The following ARHGAP17 variants were observed in gnomAD, a reference collection of about 807,000 sequenced individuals.
ARHGAP17 encodes rho GTPase-activating protein 17.
A neutral mutation model predicts 99.5 loss-of-function variants in ARHGAP17; 57 were observed. The ratio of observed to expected loss-of-function variants is 0.57; its 90% CI spans 0.46 to 0.71. The LOEUF (loss-of-function observed/expected upper bound fraction) is 0.71. Among genes scored for constraint, ARHGAP17 ranks in the 30% least tolerant of loss-of-function variants. The pLI is 0.00. For synonymous variants in ARHGAP17, 417 were observed against 429.6 expected (o/e 0.97, Z 0.36); for missense variants, 1,000 against 1,122.4 (o/e 0.89, Z 1.56).
chr16:24,983,478 T>G (rs7191426), intron 1 of ARHGAP17, among the ~76,000 whole-genome samples: 1 of 151,372 alleles, frequency 6.6e-6, no homozygotes, highest in Non-Finnish European at 1.5e-5. Flanking sequence ...ATTTTTAAAA[T>G]TTTTTTTATA....
chr16:24,971,330 CTTT>C (rs5816272), intron 3 of ARHGAP17, among the ~76,000 whole-genome samples: 39 of 134,270 alleles, frequency 2.9e-4, no homozygotes, highest in Middle Eastern at 3.8e-3. Context: ...CTTAAATTGG[CTTT>C]TTTTTTTTTT....
chr16:24,939,760 T>G (rs2051260816), intron 16 of ARHGAP17, 163 bp from the exon 17 acceptor site: 1 of 696,640 alleles, frequency 1.4e-6, no homozygotes, highest in East Asian at 2.7e-5. Context: ...CCTGAGCAAC[T>G]CCACTCGGCT....
intron 1 of ARHGAP17, among the ~76,000 whole-genome samples, chr16:25,014,660 G>A (rs991283563): frequency 1.3e-5 from 2 of 152,180 alleles, no homozygotes; most frequent in East Asian, 1.9e-4. Context: ...TCCCTCAAAG[G>A]GCGTTCTGAA....
At chr16:24,922,511 G>A (rs985141886) in intron 19 of ARHGAP17, among the ~76,000 whole-genome samples, 3 of 151,830 alleles carry the variant, frequency 2.0e-5, no homozygotes, top group Non-Finnish European at 2.9e-5. Flanking sequence ...TTACTCTGCC[G>A]CCCACCTGCC....
intron 1 of ARHGAP17, among the ~76,000 whole-genome samples, chr16:25,007,859 T>A (rs1321318002): frequency 6.6e-6 from 1 of 152,144 alleles, no homozygotes. Flanking sequence ...AAATGGAAGA[T>A]GTAGCTTCAC....
chr16:24,931,977 C>T (rs924042053), intron 18 of ARHGAP17, among the ~76,000 whole-genome samples: 3 of 152,130 alleles, frequency 2.0e-5, no homozygotes, highest in South Asian at 2.1e-4. Flanking sequence ...ATTAGCCGGG[C>T]GTGGTGGCAT....
At chr16:24,998,016 G>C (rs766986172) in intron 1 of ARHGAP17, among the ~76,000 whole-genome samples, 6 of 152,080 alleles carry the variant, frequency 3.9e-5, no homozygotes, top group Non-Finnish European at 8.8e-5. Context: ...GACGGAGGCT[G>C]AGGATGGAGG....
intron 3 of ARHGAP17, among the ~76,000 whole-genome samples, chr16:24,972,253 G>A (rs960687004): frequency 2.0e-5 from 3 of 152,196 alleles, no homozygotes; most frequent in African/African-American, 7.2e-5. Flanking sequence ...TGGGCTAGGA[G>A]GCACTTCACT....
intron 1 of ARHGAP17, among the ~76,000 whole-genome samples, chr16:24,993,238 A>G (rs543795091): frequency 1.3e-5 from 2 of 152,280 alleles, no homozygotes; most frequent in African/African-American, 2.4e-5. Context: ...ACTTTTACCT[A>G]TATTATTTCA....
chr16:24,963,621 G>A (rs1175790949), intron 7 of ARHGAP17, among the ~76,000 whole-genome samples: 1 of 152,100 alleles, frequency 6.6e-6, no homozygotes, highest in Non-Finnish European at 1.5e-5. Context: ...TATCTACACA[G>A]GTGGATGCAG....
At chr16:24,954,451 T>C in intron 10 of ARHGAP17, 152 bp downstream of exon 10, 1 of 1,080,838 alleles carries the variant, frequency 9.3e-7, no homozygotes, top group Non-Finnish European at 1.3e-6. Context: ...TGGATCATGG[T>C]GACAAAAGCT....
At chr16:24,963,715 G>T (rs1399764469) in intron 7 of ARHGAP17, among the ~76,000 whole-genome samples, 1 of 152,128 alleles carries the variant, frequency 6.6e-6, no homozygotes, top group African/African-American at 2.4e-5. Flanking sequence ...CAAACCAATT[G>T]TTCAAGCAAC....
Position 24,919,891 on chromosome 16 carries a change from T to G in ARHGAP17, c.*239A>C. The G allele has an allele frequency of 2.3e-6, 1 of 428,372 alleles. No homozygotes were observed. Among genetic ancestry groups the G allele is most frequent in the Non-Finnish European group, 4.0e-6 (1 of 250,282 alleles). 26.5% of individuals were successfully genotyped at this position (428,372 alleles called of 1,614,324 possible). On this transcript the variant is annotated 3_prime_UTR_variant, in exon 20 of 20. Transcript: ENST00000289968. ...GGTACTTCTTTGTTTTGGATTTTTT[T>G]GGCATGATTTCCTTCCCATGTAAAG...
chr16:24,958,260 C>T (rs949687882), intron 9 of ARHGAP17, among the ~76,000 whole-genome samples: 1 of 138,150 alleles, frequency 7.2e-6, no homozygotes, highest in Admixed American at 7.0e-5. Flanking sequence ...AAACAAAATG[C>T]GAAAAAAAAT....
At chr16:24,966,016 A>G (rs2052169284) in intron 6 of ARHGAP17, among the ~76,000 whole-genome samples, 1 of 152,258 alleles carries the variant, frequency 6.6e-6, no homozygotes, top group Admixed American at 6.5e-5. Flanking sequence ...CAGTATTAAA[A>G]TCACCTATGA....
rs760015909 is a variant in ARHGAP17, at chr16:24,939,371, C to T, written c.1717G>A (p.Asp573Asn). The stretch of plus-strand genomic sequence containing the variant: ...AGAAGTCAGCCTCCTTACCTGCCGT[C>T]GCCTGGGCTCGGCCCCTGCTCCAGT... ...GILEQGPSPG[D>N]GSPPKPKDPV... is the part of the protein sequence containing the mutation. The change falls in exon 17 of 20, where the codon GAC becomes AAC. Residue 573 changes from aspartate (D) to asparagine (N), a missense_variant. This residue lies in a region of ARHGAP17 where 528 missense variants were observed against 511.4 expected (regional missense o/e 1.03). Coordinates refer to ENST00000289968, the MANE Select transcript of ARHGAP17 (RefSeq NM_001006634.3). 10 of 1,602,826 alleles carry T rather than the reference C, an allele frequency of 6.2e-6. No individual in the cohort carries two copies. The Admixed American group carries it at 6.8e-5, about 11-fold the overall frequency.
chr16:25,010,399 G>A (rs962227054), intron 1 of ARHGAP17, among the ~76,000 whole-genome samples: 4 of 152,178 alleles, frequency 2.6e-5, no homozygotes, highest in African/African-American at 4.8e-5. Context: ...CTTTGTCAGA[G>A]AGAAGTTATC....
chr16:24,943,734 T>C (rs372784468), intron 15 of ARHGAP17, 37 bp downstream of exon 15: 3 of 1,566,320 alleles, frequency 1.9e-6, no homozygotes, highest in Non-Finnish European at 2.6e-6. Flanking sequence ...GATTATCACA[T>C]TGCTTTGGCG....
chr16:25,012,691 G>C (rs923109931), intron 1 of ARHGAP17, among the ~76,000 whole-genome samples: 1 of 152,134 alleles, frequency 6.6e-6, no homozygotes, highest in Non-Finnish European at 1.5e-5. Context: ...CACACATCTA[G>C]GAAATCAACA....
Sources: gnomAD v4.1 joint callset for allele counts (sites outside exome capture counted in the v4.1 genomes callset) on GRCh38, gnomAD v4.1.1 for gene constraint, gnomAD v4.1.1 regional missense constraint, MANE v1.5 for transcripts, NCBI Gene and HGNC (gene_info 2026-07-23, HGNC 2026-07-21) for gene names.